Variants in PTPRD observed in about 807,000 individuals in gnomAD.
PTPRD encodes the protein receptor-type tyrosine-protein phosphatase delta.
PTPRD carries 34 observed loss-of-function variants against 214.5 expected under a neutral mutation model. The observed-to-expected ratio is 0.16, with a 90% confidence interval of 0.12 to 0.21. PTPRD has a LOEUF of 0.21. PTPRD is among the 10% of genes least tolerant of loss of function. The pLI is 1.00. For synonymous variants in PTPRD, 1,128 were observed against 845.7 expected, an observed-to-expected ratio of 1.33 and a Z score of -5.79; for missense variants, 2,545 against 2,398.7, an observed-to-expected ratio of 1.06 and a Z score of -1.27.
intron 9 of PTPRD, among the ~76,000 whole-genome samples, chr9:9,229,661 A>G (rs1594094284): frequency 6.6e-6 from 1 of 152,162 alleles, no homozygotes; most frequent in Admixed American, 6.6e-5. Context: ...CCAAAATCAA[A>G]TAAGACTATC....
At chr9:8,526,542 C>T in intron 17 of PTPRD, 85 bp downstream of exon 17, 1 of 1,249,254 alleles carries the variant, frequency 8.0e-7, no homozygotes, top group Non-Finnish European at 1.1e-6. Context: ...TGGAATGACG[C>T]TGAAAACAGG....
At chr9:9,179,134 G>T (rs1409921070) in intron 10 of PTPRD, among the ~76,000 whole-genome samples, 2 of 151,992 alleles carry the variant, frequency 1.3e-5, no homozygotes, top group Admixed American at 1.3e-4. Flanking sequence ...TAGTATTTCT[G>T]ATTTTCTTAA....
At chr9:9,447,725 T>C (rs935407050) in intron 8 of PTPRD, among the ~76,000 whole-genome samples, 1 of 152,138 alleles carries the variant, frequency 6.6e-6, no homozygotes, top group Non-Finnish European at 1.5e-5. Flanking sequence ...AAAACATGTG[T>C]CATTTGATTA....
At chr9:9,533,729 A>G (rs762469214) in intron 8 of PTPRD, among the ~76,000 whole-genome samples, 5 of 152,038 alleles carry the variant, frequency 3.3e-5, no homozygotes, top group African/African-American at 4.8e-5. Flanking sequence ...TCAGTCACTA[A>G]TAATATAAAT....
intron 11 of PTPRD, among the ~76,000 whole-genome samples, chr9:8,945,370 AGC>A (rs2099057543): frequency 6.6e-6 from 1 of 152,076 alleles, no homozygotes; most frequent in Non-Finnish European, 1.5e-5. Flanking sequence ...CCTGTAACAG[AGC>A]AGTCACCAAG....
At chr9:10,600,300 A>C (rs1227873828) in intron 2 of PTPRD, among the ~76,000 whole-genome samples, 1 of 151,764 alleles carries the variant, frequency 6.6e-6, no homozygotes, top group Non-Finnish European at 1.5e-5. Flanking sequence ...TCAAAGCTAC[A>C]CTTTAAAAAA....
chr9:10,156,234 T>C (rs912473793), intron 3 of PTPRD, among the ~76,000 whole-genome samples: 4 of 152,042 alleles, frequency 2.6e-5, no homozygotes, highest in Non-Finnish European at 5.9e-5. Flanking sequence ...GTTAGGTTGT[T>C]AATTTGAGAT....
Position 8,376,676 on chromosome 9 carries a change from G to T in PTPRD, c.4437C>A (p.Leu1479=). The change falls in exon 38 of 46, where the codon CTC becomes CTA. Residue 1479 remains leucine, a synonymous_variant. Transcript: ENST00000381196. ...WPSRGTETHG[L]VQVTLLDTVE... The stretch of plus-strand genomic sequence containing the variant: ...CAGTATCAAGCAGCGTTACTTGAAC[G>T]AGTCCGTGGGTTTCTGTGCCTCTGC... 1.2e-6 allele frequency: 2 copies of T among 1,613,076 alleles called. No homozygotes were observed. Among genetic ancestry groups the T allele is most frequent in the South Asian group, 2.2e-5 (2 of 91,070 alleles).
intron 7 of PTPRD, among the ~76,000 whole-genome samples, chr9:9,608,589 TAGA>T (rs1356564022): frequency 3.3e-5 from 5 of 152,198 alleles, no homozygotes; most frequent in African/African-American, 9.6e-5. Flanking sequence ...GGTAGACATG[TAGA>T]AGAACAAAAT....
At chr9:8,319,416 A>G (rs1159366377) in intron 45 of PTPRD, among the ~76,000 whole-genome samples, 1 of 152,054 alleles carries the variant, frequency 6.6e-6, no homozygotes, top group Non-Finnish European at 1.5e-5. Context: ...CATGAAATAT[A>G]GAAGAGCTGA....
chr9:9,363,976 G>A lies in PTPRD; in HGVS notation c.-203+33473C>T, dbSNP rs74911516. On this transcript the variant is annotated intron_variant, in intron 9 of 45. Coordinates refer to ENST00000381196, the MANE Select transcript of PTPRD (RefSeq NM_002839.4). ...TATATCCCCACACTGTCTGACACAC[G>A]GCATTTTATGGTATTAGTTGAAGGC... Among the ~76,000 whole-genome samples, 78 of 151,274 alleles carry A rather than the reference G, an allele frequency of 5.2e-4. No homozygotes were observed. In the East Asian group the frequency reaches 0.014, roughly 28 times the overall value.
At chr9:8,635,933 G>C (rs1053373856) in intron 13 of PTPRD, among the ~76,000 whole-genome samples, 1 of 152,090 alleles carries the variant, frequency 6.6e-6, no homozygotes, top group African/African-American at 2.4e-5. Flanking sequence ...CTCAAAAAAA[G>C]AATCTTTGAT....
At chr9:9,261,861 T>C (rs538146840) in intron 9 of PTPRD, among the ~76,000 whole-genome samples, 2 of 151,878 alleles carry the variant, frequency 1.3e-5, no homozygotes, top group African/African-American at 4.8e-5. Flanking sequence ...ATAAACTTTG[T>C]AAAAAGGTAA....
chr9:10,326,491 G>T (rs1336374548), intron 3 of PTPRD, among the ~76,000 whole-genome samples: 1 of 151,566 alleles, frequency 6.6e-6, no homozygotes, highest in Non-Finnish European at 1.5e-5. Context: ...AAGCCAAAAA[G>T]TTGAATATTT....
chr9:8,469,079 GAATT>G (rs749137562), intron 31 of PTPRD, among the ~76,000 whole-genome samples: 1 of 151,916 alleles, frequency 6.6e-6, no homozygotes, highest in Non-Finnish European at 1.5e-5. Flanking sequence ...CAAAAATTTT[GAATT>G]AATAAAATGT....
chr9:9,458,123 T>C (rs913047395), intron 8 of PTPRD, among the ~76,000 whole-genome samples: 3 of 152,056 alleles, frequency 2.0e-5, no homozygotes, highest in Non-Finnish European at 4.4e-5. Flanking sequence ...AGAAAATACA[T>C]AATCCATACA....
chr9:8,865,153 T>TTCTTA (rs112461294), intron 11 of PTPRD, among the ~76,000 whole-genome samples: 83,198 of 151,516 alleles, frequency 0.55, 22,919 homozygotes, highest in Middle Eastern at 0.66. Context: ...CTATCATTCT[T>TTCTTA]TCTTTAATCA....
intron 9 of PTPRD, among the ~76,000 whole-genome samples, chr9:9,275,084 T>C (rs533520013): frequency 2.9e-5 from 2 of 68,694 alleles, no homozygotes; most frequent in African/African-American, 5.5e-5. Flanking sequence ...ATATATATAA[T>C]ATATATGTTA....
intron 5 of PTPRD, among the ~76,000 whole-genome samples, chr9:9,856,825 G>C (rs1479499904): frequency 6.6e-6 from 1 of 152,114 alleles, no homozygotes; most frequent in South Asian, 2.1e-4. Flanking sequence ...GATGGGACTG[G>C]AAGACCTCTA....
Sources: gnomAD v4.1 joint callset for allele counts (sites outside exome capture counted in the v4.1 genomes callset) on GRCh38, gnomAD v4.1.1 for gene constraint, MANE v1.5 for transcripts, NCBI Gene and HGNC (gene_info 2026-07-23, HGNC 2026-07-21) for gene names.